The following FOXN2 variants were observed in gnomAD, a reference collection of about 807,000 sequenced individuals.
FOXN2 encodes forkhead box N2.
A neutral mutation model predicts 41.2 loss-of-function variants in FOXN2; 19 were observed. The ratio of observed to expected loss-of-function variants is 0.46; its 90% confidence interval spans 0.32 to 0.68. The LOEUF (loss-of-function observed/expected upper bound fraction) is 0.68, where lower values mean the gene tolerates loss of function less well. Ranked by LOEUF, FOXN2 falls within the 30% of genes least tolerant of loss-of-function variation. The pLI, the probability that FOXN2 is intolerant of heterozygous loss-of-function variation, is 0.03. For synonymous variants in FOXN2, 195 were observed against 176.8 expected (o/e 1.10, Z -0.82); for missense variants, 587 against 509.4 (o/e 1.15, Z -1.47).
At chr2:48,360,137 C>A (rs569138269) in intron 4 of FOXN2, among the ~76,000 whole-genome samples, 2 of 152,062 alleles carry the variant, frequency 1.3e-5, no homozygotes, top group South Asian at 4.1e-4. Context: ...TTCTAGCTTC[C>A]TCATTTTAAG....
intron 4 of FOXN2, among the ~76,000 whole-genome samples, 182 bp from the exon 5 acceptor site, chr2:48,362,461 C>T (rs1405122304): frequency 2.0e-5 from 3 of 152,062 alleles, no homozygotes; most frequent in East Asian, 3.9e-4. Context: ...CCCAGCCACT[C>T]AGGCAGCTAA....
chr2:48,374,791 A>C, intron 6 of FOXN2, 129 bp from the exon 7 acceptor site: 4 of 795,770 alleles, frequency 5.0e-6, no homozygotes, highest in South Asian at 4.3e-5. Flanking sequence ...GGTAAAAAAA[A>C]ATAAAAAATC....
In FOXN2 at chr2:48,319,153, C is replaced by CTT. The variant is rs201975434; in HGVS notation, c.-157+4350_-157+4351dup. Among the ~76,000 whole-genome samples, 69 of 143,788 alleles carry CTT rather than the reference C, an allele frequency of 4.8e-4. 2 individuals carry two copies. The South Asian group carries it at 4.9e-3, about 10-fold the overall frequency. The allele number at this position is 143,788 out of a possible 152,430, so 94.3% of individuals were successfully genotyped here. ...ATTGGTGCTTCTGCCACTCAAAAGC[C>CTT]TTTTTTTTTTTTCTGAGAAGTGCTT... On this transcript the variant is annotated intron_variant, in intron 1 of 6. Transcript: ENST00000340553.
chr2:48,373,989 G>T (rs1293766057), intron 6 of FOXN2, among the ~76,000 whole-genome samples: 1 of 151,594 alleles, frequency 6.6e-6, no homozygotes, highest in Non-Finnish European at 1.5e-5. Flanking sequence ...TGGGAGGTGG[G>T]GGTTGCAGTG....
rs548474858 is a variant in FOXN2, at chr2:48,366,057, T to C, written c.703+3350T>C. Among the ~76,000 whole-genome samples, 109 of 152,194 alleles carry C rather than the reference T, an allele frequency of 7.2e-4. 1 individual carries two copies. Among genetic ancestry groups the C allele is most frequent in the African/African-American group, 2.6e-3 (108 of 41,534 alleles). On this transcript the variant is annotated intron_variant, in intron 5 of 6. Coordinates refer to ENST00000340553, the MANE Select transcript of FOXN2 (RefSeq NM_002158.4). ...TAGATGAGAGACCCAGGCCCTGCTC[T>C]TAGAAAATATATACTTTGGCTGGGC...
chr2:48,361,505 T>A (rs1018101452), intron 4 of FOXN2, among the ~76,000 whole-genome samples: 2 of 152,034 alleles, frequency 1.3e-5, no homozygotes, highest in East Asian at 3.8e-4. Flanking sequence ...ACATAAGGGT[T>A]ATATATAACC....
chr2:48,378,906 T>G lies in FOXN2; in HGVS notation c.*3463T>G, dbSNP rs772763897. On this transcript the variant is annotated 3_prime_UTR_variant, in exon 7 of 7. Coordinates refer to ENST00000340553, the MANE Select transcript of FOXN2 (RefSeq NM_002158.4). ...AATCGTTGTACATTTCTTATTAAAC[T>G]AAGTGCTTAATTTTAAAGTATTATG... 2 of 152,616 alleles carry G rather than the reference T, an allele frequency of 1.3e-5. No homozygotes were observed. Among genetic ancestry groups the G allele is most frequent in the Non-Finnish European group, 2.9e-5 (2 of 67,998 alleles). 9.5% of individuals were successfully genotyped at this position (152,616 alleles called of 1,614,324 possible).
intron 4 of FOXN2, among the ~76,000 whole-genome samples, chr2:48,360,697 T>C (rs1459579663): frequency 2.6e-5 from 4 of 152,200 alleles, no homozygotes; most frequent in Non-Finnish European, 5.9e-5. Flanking sequence ...TATTAATTAA[T>C]TTTGGTTATT....
chr2:48,369,308 C>T (rs767740791), intron 5 of FOXN2, among the ~76,000 whole-genome samples: 4 of 152,084 alleles, frequency 2.6e-5, no homozygotes, highest in Non-Finnish European at 5.9e-5. Flanking sequence ...GAGGCCAAGG[C>T]GGGTGGATCA....
At chr2:48,338,990 A>G (rs1384683955) in intron 2 of FOXN2, among the ~76,000 whole-genome samples, 2 of 152,164 alleles carry the variant, frequency 1.3e-5, no homozygotes, top group East Asian at 3.8e-4. Context: ...ATTACAAATC[A>G]TTAAGAAAAC....
chr2:48,369,597 G>A (rs890387267), intron 5 of FOXN2, among the ~76,000 whole-genome samples: 2 of 152,144 alleles, frequency 1.3e-5, no homozygotes, highest in Non-Finnish European at 2.9e-5. Flanking sequence ...TTTTATAGGT[G>A]CTTCATTTAT....
rs1296722225 is a variant in FOXN2, at chr2:48,375,116, G to T, written c.969G>T (p.Leu323=). ...CATCCAGGTCTAGCGTGTCTTCCCTGTCTTCTGTGGATGAGGTATATGAAT... is the reference window on the plus strand; with the variant it reads ...CATCCAGGTCTAGCGTGTCTTCCCTTTCTTCTGTGGATGAGGTATATGAAT... The part of the protein sequence containing the change: ...RCASRSSVSS[L]SSVDEVYEFI... Residue 323 remains leucine (L), a synonymous_variant, in exon 7 of 7, where the codon CTG becomes CTT. Coordinates refer to ENST00000340553, the MANE Select transcript of FOXN2 (RefSeq NM_002158.4). The T allele has an allele frequency of 5.0e-6, 8 of 1,614,080 alleles. No individual in the cohort carries two copies. Among genetic ancestry groups the T allele is most frequent in the Non-Finnish European group, 6.8e-6 (8 of 1,179,988 alleles).
intron 5 of FOXN2, among the ~76,000 whole-genome samples, chr2:48,365,373 T>A (rs1173135323): frequency 3.3e-5 from 5 of 152,218 alleles, no homozygotes; most frequent in Non-Finnish European, 7.4e-5. Flanking sequence ...TACATTTAGG[T>A]ATTGCCAAAA....
In FOXN2 at chr2:48,351,874, T is replaced by C. The variant is rs184651206; in HGVS notation, c.537+5123T>C. Among the ~76,000 whole-genome samples the C allele has an allele frequency of 3.9e-5, 6 of 152,192 alleles. No homozygotes were observed. The East Asian group carries it at 1.2e-3, about 29-fold the overall frequency. ...AAAAGTTTGCCATTGAAGTGTGCTTTGAAAAAAGAGAACAGGTTTTAGAAG... is the reference window on the plus strand; with the variant it reads ...AAAAGTTTGCCATTGAAGTGTGCTTCGAAAAAAGAGAACAGGTTTTAGAAG... On this transcript the variant is annotated intron_variant, in intron 3 of 6. Transcript: ENST00000340553.
intron 1 of FOXN2, among the ~76,000 whole-genome samples, chr2:48,316,059 G>T (rs949617761): frequency 6.6e-6 from 1 of 152,026 alleles, no homozygotes; most frequent in Non-Finnish European, 1.5e-5. Context: ...GTGCGCTAGC[G>T]GCACTAGGGG....
At chr2:48,319,785 AT>A (rs545797179) in intron 1 of FOXN2, among the ~76,000 whole-genome samples, 2,199 of 98,746 alleles carry the variant, frequency 0.022, 38 homozygotes, top group African/African-American at 0.059. Flanking sequence ...TAATTTTTTA[AT>A]TTTTTTTTTT....
intron 1 of FOXN2, among the ~76,000 whole-genome samples, chr2:48,324,635 A>G (rs1034931343): frequency 2.0e-5 from 3 of 152,192 alleles, no homozygotes; most frequent in African/African-American, 7.2e-5. Flanking sequence ...AGTTAGAGCC[A>G]GGTTGTGCTT....
chr2:48,342,536 A>C (rs1040333737), intron 2 of FOXN2, among the ~76,000 whole-genome samples: 1 of 151,994 alleles, frequency 6.6e-6, no homozygotes, highest in Non-Finnish European at 1.5e-5. Flanking sequence ...TCCTTGCCCA[A>C]AATTGTTTAT....
intron 5 of FOXN2, among the ~76,000 whole-genome samples, chr2:48,368,461 T>A (rs1386299381): frequency 2.6e-5 from 4 of 152,016 alleles, no homozygotes. Flanking sequence ...CCTCAGGAGT[T>A]CAAGACCAGC....
Sources: gnomAD v4.1 joint callset for allele counts (sites outside exome capture counted in the v4.1 genomes callset) on GRCh38, gnomAD v4.1.1 for gene constraint, MANE v1.5 for transcripts, NCBI Gene and HGNC (gene_info 2026-07-23, HGNC 2026-07-21) for gene names.